The following NHS variants were observed in gnomAD, a reference collection of about 807,000 sequenced individuals.
The protein encoded by NHS is actin remodeling regulator NHS.
Under a neutral mutation model 72.5 loss-of-function variants are expected in NHS, and 5 were observed. The ratio of observed to expected loss-of-function variants is 0.07; its 90% CI spans 0.04 to 0.14. The LOEUF (loss-of-function observed/expected upper bound fraction) is 0.14, where lower values mean the gene tolerates loss of function less well. Ranked by LOEUF, NHS falls within the 10% of genes least tolerant of loss-of-function variation. The pLI is 1.00. For missense variants in NHS, 1,072 were observed against 1,355.7 expected (o/e 0.79, Z 3.29); for synonymous variants, 464 against 547.7 (o/e 0.85, Z 2.13).
chrX:17,675,834 T>A (rs993298794), intron 1 of NHS, among the ~76,000 whole-genome samples: 6 of 112,252 alleles, frequency 5.3e-5, no homozygotes, highest in African/African-American at 1.9e-4. Context: ...TGCAGGCTCA[T>A]GTATTTATAT....
chrX:17,717,973 T>C (rs530343311), intron 3 of NHS, among the ~76,000 whole-genome samples: 1 of 112,048 alleles, frequency 8.9e-6, no homozygotes, highest in African/African-American at 3.2e-5. Flanking sequence ...AAAGTTACAG[T>C]TTGCAAAGAC....
At chrX:17,641,708 A>G (rs2065881747) in intron 1 of NHS, among the ~76,000 whole-genome samples, 1 of 110,328 alleles carries the variant, frequency 9.1e-6, no homozygotes, top group African/African-American at 3.3e-5. Flanking sequence ...CATTCTGTGA[A>G]AGAACAGTAG....
At chrX:17,709,023 G>T (rs1460170124) in intron 3 of NHS, among the ~76,000 whole-genome samples, 1 of 111,048 alleles carries the variant, frequency 9.0e-6, no homozygotes, top group Admixed American at 9.6e-5. Context: ...TTGCTTTTTG[G>T]TTTAGTAGAG....
At chrX:17,407,549 G>A (rs891721594) in intron 1 of NHS, among the ~76,000 whole-genome samples, 2 of 111,674 alleles carry the variant, frequency 1.8e-5, no homozygotes, top group African/African-American at 6.5e-5. Context: ...AGCTCTTTCT[G>A]AGGAGTGTTG....
intron 1 of NHS, among the ~76,000 whole-genome samples, chrX:17,513,571 T>G (rs2146931968): frequency 8.9e-6 from 1 of 112,410 alleles, no homozygotes; most frequent in Non-Finnish European, 1.9e-5. Flanking sequence ...CTAGACCTCC[T>G]GAATCAAACT....
intron 1 of NHS, among the ~76,000 whole-genome samples, chrX:17,491,332 G>A (rs934950466): frequency 2.7e-5 from 3 of 111,559 alleles, no homozygotes; most frequent in Non-Finnish European, 3.8e-5. Context: ...AGCATGAAGG[G>A]GTGTTGAATT....
intron 1 of NHS, among the ~76,000 whole-genome samples, chrX:17,437,791 A>G (rs1393880807): frequency 8.9e-6 from 1 of 111,777 alleles, no homozygotes; most frequent in East Asian, 2.8e-4. Flanking sequence ...AATAACACAT[A>G]TAAAGTACTT....
rs755401628 is a variant in NHS at position 17,533,778 on chromosome X, C to T, written c.566-153964C>T. Among the ~76,000 whole-genome samples the T allele has an allele frequency of 2.9e-4, 32 of 111,825 alleles. No individual in the cohort carries two copies. In the East Asian group the frequency reaches 8.2e-3, roughly 29 times the overall value. ...CCATGACCTTGGGCAGCCCCCACAG[C>T]CTCTCTAAGTCTTGCTTTCATGGCC... On this transcript the variant is annotated intron_variant, in intron 1 of 8. Coordinates refer to ENST00000676302, the MANE Select transcript of NHS (RefSeq NM_001291867.2).
At chrX:17,539,977 T>A (rs1477674492) in intron 1 of NHS, among the ~76,000 whole-genome samples, 5 of 112,454 alleles carry the variant, frequency 4.4e-5, no homozygotes, top group Non-Finnish European at 9.4e-5. Flanking sequence ...GAACAGAGGC[T>A]TCCACTATCC....
At chrX:17,574,481 C>T (rs2065499188) in intron 1 of NHS, among the ~76,000 whole-genome samples, 1 of 112,434 alleles carries the variant, frequency 8.9e-6, no homozygotes, top group Admixed American at 9.3e-5. Context: ...GCGAGCAAGG[C>T]TCCATGGGCA....
chrX:17,385,563 TTG>T (rs1232868030), intron 1 of NHS, among the ~76,000 whole-genome samples: 4 of 111,795 alleles, frequency 3.6e-5, no homozygotes, highest in Non-Finnish European at 7.5e-5. Flanking sequence ...TTTTCATTTT[TTG>T]TGTGTTCTAA....
intron 1 of NHS, among the ~76,000 whole-genome samples, chrX:17,668,852 G>C (rs982343948): frequency 1.8e-5 from 2 of 111,460 alleles, no homozygotes; most frequent in African/African-American, 6.5e-5. Context: ...AACTCTGGGA[G>C]ATAGTGTAGA....
intron 1 of NHS, among the ~76,000 whole-genome samples, chrX:17,570,481 G>T (rs7049816): frequency 0.026 from 2,919 of 111,375 alleles, 85 homozygotes; most frequent in Admixed American, 0.073. Context: ...GTCTGTTATT[G>T]GTGTATAGGA....
chrX:17,608,685 T>TGG (rs201442682), intron 1 of NHS, among the ~76,000 whole-genome samples: 1 of 109,368 alleles, frequency 9.1e-6, no homozygotes, highest in African/African-American at 3.4e-5. Context: ...TTTTTTTTTT[T>TGG]GGGGGGATAT....
intron 1 of NHS, among the ~76,000 whole-genome samples, chrX:17,430,290 TCTTTCTTTCTTTCTTTCTTTCTTTC>T (rs2064685329): frequency 1.2e-5 from 1 of 85,164 alleles, no homozygotes; most frequent in Non-Finnish European, 2.2e-5. Flanking sequence ...TTTCTTTCTT[TCTTTCTTTCTTTCTTTCTTTCTTTC>T]CTTTCTTTCT....
chrX:17,572,055 T>C (rs2146975204), intron 1 of NHS, among the ~76,000 whole-genome samples: 1 of 112,245 alleles, frequency 8.9e-6, no homozygotes, highest in East Asian at 2.8e-4. Flanking sequence ...TTCTGTTCTT[T>C]TACATTTGCT....
chrX:17,490,381 A>G (rs942095228), intron 1 of NHS, among the ~76,000 whole-genome samples: 8 of 112,242 alleles, frequency 7.1e-5, no homozygotes, highest in Non-Finnish European at 1.5e-4. Context: ...CTAAATAGAG[A>G]ATCCTTTCCC....
At chrX:17,574,507 C>G (rs767436450) in intron 1 of NHS, among the ~76,000 whole-genome samples, 1 of 112,454 alleles carries the variant, frequency 8.9e-6, no homozygotes, top group African/African-American at 3.2e-5. Flanking sequence ...CCCACCGAGC[C>G]AGACAGGAAG....
chrX:17,711,263 G>C (rs1335284941), intron 3 of NHS, among the ~76,000 whole-genome samples: 7 of 111,681 alleles, frequency 6.3e-5, no homozygotes, highest in African/African-American at 2.3e-4. Context: ...CAACATCACA[G>C]TGATCATGGT....
Sources: gnomAD v4.1 joint callset for allele counts (sites outside exome capture counted in the v4.1 genomes callset) on GRCh38, gnomAD v4.1.1 for gene constraint, MANE v1.5 for transcripts, NCBI Gene and HGNC (gene_info 2026-07-23, HGNC 2026-07-21) for gene names.